The following AIG1 variants were observed in gnomAD, a reference collection of about 807,000 sequenced individuals.
AIG1 encodes the protein androgen-induced gene 1 protein.
AIG1 carries 23 observed loss-of-function variants against 31.4 expected under a neutral mutation model. The observed-to-expected ratio is 0.73, with a 90% CI of 0.53 to 1.04. The LOEUF (loss-of-function observed/expected upper bound fraction) is 1.04. Among genes scored for constraint, AIG1 ranks in the 50% least tolerant of loss-of-function variants. AIG1 has a pLI of 0.00. For synonymous variants in AIG1, 100 were observed against 110.5 expected, an observed-to-expected ratio of 0.90 and a Z score of 0.60; for missense variants, 274 against 295.0, an observed-to-expected ratio of 0.93 and a Z score of 0.52.
intron 3 of AIG1, among the ~76,000 whole-genome samples, chr6:143,245,707 A>T (rs1319188054): frequency 6.6e-6 from 1 of 152,244 alleles, no homozygotes; most frequent in Non-Finnish European, 1.5e-5. Flanking sequence ...AAGGAAAAAC[A>T]CTGGAAACTT....
intron 3 of AIG1, among the ~76,000 whole-genome samples, chr6:143,197,443 C>G (rs1279452353): frequency 1.3e-5 from 2 of 152,176 alleles, no homozygotes; most frequent in Non-Finnish European, 2.9e-5. Flanking sequence ...TCCCACTACT[C>G]AAGAAGAAGC....
chr6:143,171,801 T>C (rs1264304238), intron 3 of AIG1, among the ~76,000 whole-genome samples: 1 of 151,990 alleles, frequency 6.6e-6, no homozygotes, highest in Non-Finnish European at 1.5e-5. Context: ...CCACCAACAG[T>C]GTAAAAGTGT....
At chr6:143,232,837 A>G (rs188580279) in intron 3 of AIG1, among the ~76,000 whole-genome samples, 134 of 152,246 alleles carry the variant, frequency 8.8e-4, no homozygotes, top group African/African-American at 3.1e-3. Context: ...CCATTGGCCT[A>G]TAATCCAAAA....
chr6:143,069,054 G>A (rs774912063), intron 1 of AIG1, among the ~76,000 whole-genome samples: 58 of 146,518 alleles, frequency 4.0e-4, no homozygotes, highest in Non-Finnish European at 7.7e-4. Flanking sequence ...TCACTCTGTC[G>A]CCCAGGTTAG....
At chr6:143,246,751 G>C (rs1042954424) in intron 3 of AIG1, among the ~76,000 whole-genome samples, 1 of 152,174 alleles carries the variant, frequency 6.6e-6, no homozygotes, top group Non-Finnish European at 1.5e-5. Context: ...TTGACAGCCA[G>C]TGAGAGAATG....
rs372680572 is a variant in AIG1, at chr6:143,199,188, A to AT, written c.399+34006dup. Among the ~76,000 whole-genome samples, 423 of 152,314 alleles carry AT rather than the reference A, an allele frequency of 2.8e-3. 6 individuals carry two copies. Among genetic ancestry groups the AT allele is most frequent in the African/African-American group, 9.5e-3 (395 of 41,564 alleles). On this transcript the variant is annotated intron_variant, in intron 3 of 5. Transcript: ENST00000357847. Reference sequence around the variant, plus strand: ...ATAAAATGATTGCAATGAATTGAGAATATTTGAACAAAGACTAGATGTTAA... The same window carrying AT: ...ATAAAATGATTGCAATGAATTGAGAATTATTTGAACAAAGACTAGATGTTAA...
chr6:143,261,227 G>C (rs887967735), intron 3 of AIG1, among the ~76,000 whole-genome samples: 1 of 152,146 alleles, frequency 6.6e-6, no homozygotes, highest in Admixed American at 6.5e-5. Flanking sequence ...CGCCTCCCGG[G>C]TTGAAGCGAT....
upstream of AIG1, among the ~76,000 whole-genome samples, chr6:143,059,807 C>T (rs1200552802): frequency 6.6e-6 from 1 of 152,166 alleles, no homozygotes. Context: ...ACAGGAAATA[C>T]CTATGTTGCC....
intron 1 of AIG1, among the ~76,000 whole-genome samples, chr6:143,079,944 T>A (rs773201694): frequency 1.3e-5 from 2 of 152,210 alleles, no homozygotes; most frequent in Non-Finnish European, 2.9e-5. Flanking sequence ...GATATATGAT[T>A]TGACTATTTC....
At chr6:143,264,474 C>T (rs747390566) in intron 3 of AIG1, among the ~76,000 whole-genome samples, 7 of 152,184 alleles carry the variant, frequency 4.6e-5, no homozygotes, top group African/African-American at 9.7e-5. Flanking sequence ...GGGCAGGGCA[C>T]GGGTGCCTGG....
At chr6:143,143,528 A>AAAATATATATATATATAT (rs1554249782) in intron 2 of AIG1, among the ~76,000 whole-genome samples, 1 of 27,778 alleles carries the variant, frequency 3.6e-5, no homozygotes, top group Non-Finnish European at 7.9e-5. Flanking sequence ...AAAAAAAAAA[A>AAAATATATATATATATAT]ATATATATAT....
chr6:143,152,918 C>T (rs1308731385), intron 2 of AIG1, among the ~76,000 whole-genome samples: 2 of 152,186 alleles, frequency 1.3e-5, no homozygotes, highest in African/African-American at 4.8e-5. Flanking sequence ...CCATCATTCT[C>T]ATGTTTTGGT....
intron 3 of AIG1, among the ~76,000 whole-genome samples, chr6:143,174,849 G>A (rs1237334757): frequency 6.6e-6 from 1 of 152,074 alleles, no homozygotes; most frequent in Non-Finnish European, 1.5e-5. Flanking sequence ...TATTCATCAT[G>A]CTATTTGTTG....
At chr6:143,222,634 T>A (rs1792618937) in intron 3 of AIG1, among the ~76,000 whole-genome samples, 1 of 152,224 alleles carries the variant, frequency 6.6e-6, no homozygotes. Context: ...CTGCTACCAA[T>A]TTCTTTATAG....
At chr6:143,342,255 C>A (rs1436211745), downstream of AIG1, 1 of 683,576 alleles carries the variant, frequency 1.5e-6, no homozygotes, top group Non-Finnish European at 2.7e-6. Context: ...AATGGGGTGG[C>A]GAGGCTGGGC....
At chr6:143,173,480 T>C (rs1334998201) in intron 3 of AIG1, among the ~76,000 whole-genome samples, 2 of 152,200 alleles carry the variant, frequency 1.3e-5, no homozygotes, top group African/African-American at 4.8e-5. Flanking sequence ...GACCTTAGAT[T>C]GTCTATTTGC....
At chr6:143,249,470 G>C (rs370971992) in intron 3 of AIG1, among the ~76,000 whole-genome samples, 56 of 152,312 alleles carry the variant, frequency 3.7e-4, no homozygotes, top group South Asian at 6.2e-4. Flanking sequence ...GCCTCGTGGA[G>C]GGGTGAACAT....
chr6:143,108,256 A>G (rs1780972101), intron 1 of AIG1, among the ~76,000 whole-genome samples: 1 of 152,204 alleles, frequency 6.6e-6, no homozygotes, highest in Admixed American at 6.5e-5. Context: ...GATTTACTCT[A>G]CTAAAAATAC....
At position 143,330,360 on chromosome 6, in the gene AIG1, C is replaced by T. The variant is rs546073604; in HGVS notation, c.516-2922C>T. On this transcript the variant is annotated intron_variant, in intron 4 of 5. Coordinates refer to ENST00000357847, the MANE Select transcript of AIG1 (RefSeq NM_016108.4). The surrounding 1 kb of genome is among the most constrained non-coding windows in gnomAD (Gnocchi z 4.4). ...AGGGAAGACATCACTGGAAAGGTGACATTTGAGTGAAAACCCGAAGGACAC... is the reference window on the plus strand; with the variant it reads ...AGGGAAGACATCACTGGAAAGGTGATATTTGAGTGAAAACCCGAAGGACAC... 6.6e-6 allele frequency among the ~76,000 whole-genome samples: 1 copy of T among 152,160 alleles called. No individual in the cohort carries two copies. The highest frequency in any genetic ancestry group is 1.9e-4 in the East Asian group (1 of 5,170).
Sources: gnomAD v4.1 joint callset for allele counts (sites outside exome capture counted in the v4.1 genomes callset) on GRCh38, gnomAD v4.1.1 for gene constraint, Gnocchi (gnomAD v3.1) non-coding constraint, MANE v1.5 for transcripts, NCBI Gene and HGNC (gene_info 2026-07-23, HGNC 2026-07-21) for gene names.